DCHS2: variants seen among roughly 807,000 people sequenced by gnomAD.
The protein encoded by DCHS2 is dachsous cadherin-related 2.
Under a neutral mutation model 182.4 loss-of-function variants are expected in DCHS2, and 142 were observed. That is an observed-to-expected ratio of 0.78 (90% CI 0.68 to 0.89). DCHS2 has a LOEUF of 0.89. Ranked by LOEUF, DCHS2 falls within the 40% of genes least tolerant of loss-of-function variation. The probability of loss-of-function intolerance (pLI) is 0.00; values close to 1 mark genes in which losing one functional copy is unlikely to be tolerated. For missense variants in DCHS2, 4,319 were observed against 4,198.6 expected (o/e 1.03, Z -0.79); for synonymous variants, 1,740 against 1,663.3 (o/e 1.05, Z -1.12).
At chr4:154,374,708 G>A (rs1730807637) in intron 2 of DCHS2, among the ~76,000 whole-genome samples, 1 of 152,122 alleles carries the variant, frequency 6.6e-6, no homozygotes, top group Non-Finnish European at 1.5e-5. Flanking sequence ...GCTTAAATAG[G>A]TGGATTCTCT....
At chr4:154,274,886 G>GA (rs1231560599) in intron 13 of DCHS2, among the ~76,000 whole-genome samples, 2 of 151,518 alleles carry the variant, frequency 1.3e-5, no homozygotes, top group Admixed American at 6.6e-5. Context: ...GCAGTAGTTA[G>GA]AAAAAACAAA....
intron 1 of DCHS2, chr4:154,391,337 A>T (rs765310234): frequency 6.4e-7 from 1 of 1,553,244 alleles, no homozygotes; most frequent in Non-Finnish European, 8.7e-7. Flanking sequence ...CTTCAACTTC[A>T]TGTCTCTGGC....
intron 2 of DCHS2, among the ~76,000 whole-genome samples, chr4:154,367,577 C>G (rs886409641): frequency 1.3e-5 from 2 of 152,146 alleles, no homozygotes; most frequent in Non-Finnish European, 2.9e-5. Context: ...TTTTACTTTT[C>G]TAAAGTAAAA....
At chr4:154,443,514 G>T (rs72969958) in intron 1 of DCHS2, among the ~76,000 whole-genome samples, 8,395 of 152,116 alleles carry the variant, frequency 0.055, 552 homozygotes, top group African/African-American at 0.16. Flanking sequence ...AACCAGAAGA[G>T]AACTTCCATA....
intron 16 of DCHS2, among the ~76,000 whole-genome samples, chr4:154,254,395 C>T (rs998162167): frequency 1.3e-5 from 2 of 152,218 alleles, no homozygotes; most frequent in Non-Finnish European, 2.9e-5. Flanking sequence ...CACTTAGTCA[C>T]ATATCCTAGA....
chr4:154,480,428 A>G (rs1056103253), intron 1 of DCHS2, among the ~76,000 whole-genome samples: 2 of 152,234 alleles, frequency 1.3e-5, no homozygotes, highest in Non-Finnish European at 2.9e-5. Context: ...AACTGTCATC[A>G]GTAATGAAGC....
At chr4:154,402,422 A>C (rs895381213) in intron 1 of DCHS2, among the ~76,000 whole-genome samples, 54 of 152,254 alleles carry the variant, frequency 3.5e-4, no homozygotes, top group African/African-American at 1.3e-3. Context: ...CTTGTTGGAA[A>C]TGTCAATTGG....
At chr4:154,441,587 T>G (rs1465711746) in intron 1 of DCHS2, among the ~76,000 whole-genome samples, 1 of 150,826 alleles carries the variant, frequency 6.6e-6, no homozygotes. Context: ...ATTTTCATTG[T>G]GAAAACTCCT....
Position 154,491,097 on chromosome 4 carries a change from G to T in DCHS2, c.259C>A (p.Arg87Ser), listed in dbSNP as rs1728816787. ...LPPDTLVGDIRAGLPAAQQQE... is the reference protein window; with the variant it reads ...LPPDTLVGDISAGLPAAQQQE... Reference sequence around the variant, plus strand: ...TGCTGCGCGGCCGGCAGCCCGGCGCGGATGTCACCTACCAGCGTGTCCGGG... The same window carrying T: ...TGCTGCGCGGCCGGCAGCCCGGCGCTGATGTCACCTACCAGCGTGTCCGGG... The change falls in exon 1 of 20, where the codon CGC becomes AGC. Residue 87 changes from arginine (R) to serine (S), a missense_variant. Coordinates refer to ENST00000357232, the MANE Select transcript of DCHS2 (RefSeq NM_001358235.2). 1.3e-6 allele frequency: 2 copies of T among 1,551,228 alleles called. No individual in the cohort carries two copies. Among genetic ancestry groups the T allele is most frequent in the South Asian group, 2.4e-5 (2 of 84,060 alleles).
At chr4:154,480,076 T>C (rs1735861426) in intron 1 of DCHS2, among the ~76,000 whole-genome samples, 1 of 152,218 alleles carries the variant, frequency 6.6e-6, no homozygotes, top group Non-Finnish European at 1.5e-5. Flanking sequence ...GGTTGCTCTT[T>C]ACCTCATAAC....
At chr4:154,481,710 C>T (rs930260757) in intron 1 of DCHS2, among the ~76,000 whole-genome samples, 16 of 152,186 alleles carry the variant, frequency 1.1e-4, no homozygotes, top group Non-Finnish European at 2.4e-4. Flanking sequence ...GCCACAATAA[C>T]CCTACCAGGT....
At chr4:154,369,407 A>T (rs960823013) in intron 2 of DCHS2, among the ~76,000 whole-genome samples, 1 of 152,192 alleles carries the variant, frequency 6.6e-6, no homozygotes, top group Non-Finnish European at 1.5e-5. Flanking sequence ...ATATTGGGAA[A>T]CCAGTTTCCC....
intron 1 of DCHS2, among the ~76,000 whole-genome samples, chr4:154,444,712 G>T (rs1734195207): frequency 6.6e-6 from 1 of 152,156 alleles, no homozygotes; most frequent in South Asian, 2.1e-4. Flanking sequence ...ATGTCACTTT[G>T]CTGGTTTCAA....
chr4:154,475,040 C>T (rs1735630048), intron 1 of DCHS2, among the ~76,000 whole-genome samples: 1 of 152,040 alleles, frequency 6.6e-6, no homozygotes, highest in Admixed American at 6.6e-5. Context: ...TTCTGATAAT[C>T]TAATTATAAT....
intron 1 of DCHS2, among the ~76,000 whole-genome samples, chr4:154,388,535 C>T (rs1462917984): frequency 2.8e-5 from 4 of 144,696 alleles, no homozygotes; most frequent in African/African-American, 1.0e-4. Context: ...CCCTCTGTCG[C>T]CCAGGCTGCA....
intron 14 of DCHS2, chr4:154,261,641 A>T (rs1732990697): frequency 6.6e-6 from 1 of 152,068 alleles, no homozygotes; most frequent in Non-Finnish European, 1.5e-5. Context: ...TGTCTTTGTT[A>T]TTGGGTGTTT....
intron 13 of DCHS2, among the ~76,000 whole-genome samples, chr4:154,276,336 TTTC>T (rs1279344471): frequency 6.6e-6 from 1 of 152,200 alleles, no homozygotes; most frequent in Non-Finnish European, 1.5e-5. Flanking sequence ...TTCTTGGTTT[TTTC>T]TTCTTTACAA....
At chr4:154,242,853 A>G (rs1470952952) in intron 16 of DCHS2, 81 bp from the exon 17 acceptor site, 32 of 1,462,676 alleles carry the variant, frequency 2.2e-5, no homozygotes, top group East Asian at 5.1e-5. Context: ...TATCTAGTTG[A>G]AAATTTTAAA....
chr4:154,436,683 T>A (rs555378067), intron 1 of DCHS2, among the ~76,000 whole-genome samples: 1 of 152,318 alleles, frequency 6.6e-6, no homozygotes, highest in African/African-American at 2.4e-5. Context: ...GTCCAGATTT[T>A]TATTTGGGCT....
Sources: allele counts gnomAD v4.1 joint callset (sites outside exome capture counted in the v4.1 genomes callset), GRCh38; gene constraint gnomAD v4.1.1; transcripts MANE v1.5; gene names NCBI Gene and HGNC (gene_info 2026-07-23, HGNC 2026-07-21).